OR7C1: variants seen among roughly 807,000 people sequenced by gnomAD.
OR7C1 encodes the protein olfactory receptor family 7 subfamily C member 1.
For synonymous variants in OR7C1, 152 were observed against 160.7 expected (o/e 0.95, Z 0.41); for missense variants, 324 against 383.3 (o/e 0.85, Z 1.29).
intron 1 of OR7C1, among the ~76,000 whole-genome samples, chr19:14,811,326 A>G (rs886593037): frequency 6.6e-6 from 1 of 151,986 alleles, no homozygotes; most frequent in East Asian, 1.9e-4. Context: ...TCCATGCTCT[A>G]TGGCTCCAGG....
chr19:14,828,196 C>T (rs778755183), intron 1 of OR7C1: 1 of 1,612,964 alleles, frequency 6.2e-7, no homozygotes, highest in African/African-American at 1.3e-5. Flanking sequence ...TGTGAAAATC[C>T]CAGAAGAAGA....
At chr19:14,827,305 G>T in intron 1 of OR7C1, 1 of 1,553,882 alleles carries the variant, frequency 6.4e-7, no homozygotes, top group South Asian at 1.3e-5. Flanking sequence ...TTGAAAAATT[G>T]CCCTTTCATT....
intron 1 of OR7C1, chr19:14,827,316 G>T: frequency 6.4e-7 from 1 of 1,565,950 alleles, no homozygotes; most frequent in East Asian, 2.2e-5. Flanking sequence ...CCCTTTCATT[G>T]TTCCCCACAA....
chr19:14,808,943 T>C (rs2044678395), intron 2 of OR7C1, among the ~76,000 whole-genome samples: 1 of 151,906 alleles, frequency 6.6e-6, no homozygotes, highest in African/African-American at 2.4e-5. Flanking sequence ...TATGCCCCCC[T>C]TTTTTTACTT....
chr19:14,818,058 TTTATTTTATTTATTTATTTA>T lies in OR7C1; in HGVS notation c.-622-8085_-622-8066del, dbSNP rs1379452930. ...AGCAGTTAATAAGTCATACATTTTA[TTTATTTTATTTATTTATTTA>T]TTTATTTATTTATTTATTTATTTAT... On this transcript the variant is annotated intron_variant, in intron 1 of 4. Transcript: ENST00000641666. 2.9e-4 allele frequency among the ~76,000 whole-genome samples: 21 copies of T among 72,396 alleles called. No homozygotes were observed. The South Asian group carries it at 4.8e-3, about 16-fold the overall frequency. 47.5% of individuals were successfully genotyped at this position (72,396 alleles called of 152,430 possible). A position where few individuals can be genotyped will look rare whatever the true frequency, so the allele number is the denominator to read the frequency against.
At chr19:14,800,688 A>G (rs2044637352) in exon 3 of OR7C1, 1 of 152,304 alleles carries the variant, frequency 6.6e-6, no homozygotes, top group African/African-American at 2.4e-5. Context: ...GGAACTAAGG[A>G]CTAGAAGTTT....
intron 1 of OR7C1, among the ~76,000 whole-genome samples, chr19:14,831,365 T>C (rs931135500): frequency 1.3e-5 from 2 of 152,240 alleles, no homozygotes; most frequent in Non-Finnish European, 2.9e-5. Context: ...AATTGGTTTT[T>C]ATATGAATTG....
chr19:14,824,793 C>T (rs2044757560), intron 1 of OR7C1: 1 of 152,200 alleles, frequency 6.6e-6, no homozygotes, highest in African/African-American at 2.4e-5. Context: ...TTTGAGAAAT[C>T]TCCAAACCGC....
chr19:14,829,078 A>G (rs1180371034), intron 1 of OR7C1, among the ~76,000 whole-genome samples: 4 of 152,236 alleles, frequency 2.6e-5, no homozygotes, highest in African/African-American at 9.6e-5. Flanking sequence ...ATTATTCAAG[A>G]CCTGCAAACA....
chr19:14,833,808 C>T (rs1043665240), intron 1 of OR7C1, among the ~76,000 whole-genome samples: 1 of 137,286 alleles, frequency 7.3e-6, no homozygotes, highest in South Asian at 2.3e-4. Flanking sequence ...AATCTCACGT[C>T]CATCAGCCTG....
chr19:14,826,834 A>G (rs577991150), intron 1 of OR7C1: 2 of 154,234 alleles, frequency 1.3e-5, no homozygotes, highest in East Asian at 3.8e-4. Context: ...AAAATACACA[A>G]GTATGTTCAG....
At position 14,815,812 on chromosome 19, in the gene OR7C1, T is replaced by G. The variant is rs539363616; in HGVS notation, c.-622-5819A>C. On this transcript the variant is annotated intron_variant, in intron 1 of 4. Coordinates refer to ENST00000641666, the Ensembl canonical transcript of OR7C1. ...GTGTGTGTGTGTGTGTGTGTGTGTG[T>G]GTGTCTGTGTCTGGGTGTGTGTGTG... Among the ~76,000 whole-genome samples, 31 of 151,832 alleles carry G rather than the reference T, an allele frequency of 2.0e-4. 1 individual carries two copies. The highest frequency in any genetic ancestry group is 3.4e-3 in the Middle Eastern group (1 of 294).
chr19:14,809,965 G>C (rs2044683178), exon 2 of OR7C1: 1 of 152,106 alleles, frequency 6.6e-6, no homozygotes, highest in Non-Finnish European at 1.5e-5. Context: ...GGTGCTCTTG[G>C]TCTGGGGCTG....
intron 2 of OR7C1, among the ~76,000 whole-genome samples, chr19:14,803,399 A>G (rs188497862): frequency 3.3e-5 from 5 of 150,794 alleles, no homozygotes; most frequent in East Asian, 3.9e-4. Flanking sequence ...CTAATCTTCT[A>G]TTATGCAGAT....
At chr19:14,800,088 A>G (rs149561973) in exon 5 of OR7C1, 1 of 1,601,586 alleles carries the variant, frequency 6.2e-7, no homozygotes, top group African/African-American at 1.3e-5. Flanking sequence ...GTTGCTGAAA[A>G]TCCCAGGAGG....
chr19:14,810,767 A>G (rs2044687684), intron 1 of OR7C1, among the ~76,000 whole-genome samples: 1 of 151,770 alleles, frequency 6.6e-6, no homozygotes, highest in Non-Finnish European at 1.5e-5. Flanking sequence ...TTAATGGGCC[A>G]TTTCCCTTGG....
intron 1 of OR7C1, among the ~76,000 whole-genome samples, chr19:14,812,676 C>T (rs1183396107): frequency 2.0e-5 from 3 of 151,862 alleles, no homozygotes; most frequent in Non-Finnish European, 2.9e-5. Flanking sequence ...TTCACTATCT[C>T]GGTGTCTGAG....
chr19:14,816,352 A>G (rs140629441), intron 1 of OR7C1, among the ~76,000 whole-genome samples: 48 of 152,272 alleles, frequency 3.2e-4, no homozygotes, highest in Non-Finnish European at 6.5e-4. Context: ...GAGTCAGTGA[A>G]CTGAAGGAGG....
intron 1 of OR7C1, among the ~76,000 whole-genome samples, chr19:14,822,371 GTCTTTTTT>G (rs2044744866): frequency 1.1e-5 from 1 of 89,014 alleles, no homozygotes; most frequent in Non-Finnish European, 2.2e-5. Context: ...CTTATCTCCT[GTCTTTTTT>G]TTTTTTTTTT....
Sources: gnomAD v4.1 joint callset for allele counts (sites outside exome capture counted in the v4.1 genomes callset) on GRCh38, gnomAD v4.1.1 for gene constraint, MANE v1.5 for transcripts, NCBI Gene and HGNC (gene_info 2026-07-23, HGNC 2026-07-21) for gene names.